Variants in GALR2 observed in about 807,000 individuals in gnomAD.
GALR2 encodes the protein galanin receptor 2.
In GALR2, 5 loss-of-function variants were observed where a neutral mutation model predicts 7.2. The observed-to-expected ratio is 0.69, with a 90% CI of 0.36 to 1.45. The LOEUF (loss-of-function observed/expected upper bound fraction) is 1.45. Among genes scored for constraint, GALR2 ranks in the 40% most tolerant of loss-of-function variants. The probability of loss-of-function intolerance (pLI) is 0.03; values close to 1 mark genes in which losing one functional copy is unlikely to be tolerated. For synonymous variants in GALR2, 300 were observed against 263.9 expected, an observed-to-expected ratio of 1.14 and a Z score of -1.32; for missense variants, 561 against 555.7, an observed-to-expected ratio of 1.01 and a Z score of -0.10.
chr17:76,072,265 G>C (rs775223567), upstream of GALR2: 3 of 1,603,294 alleles, frequency 1.9e-6, no homozygotes, highest in South Asian at 1.1e-5. This position sits in a 1 kb window ranked among gnomAD's most constrained non-coding sequence, Gnocchi z 4.5. Flanking sequence ...CCTCCAGTTC[G>C]ACACGTAATC....
chr17:76,072,269 C>T (rs1434671951), upstream of GALR2: 2 of 1,605,194 alleles, frequency 1.2e-6, no homozygotes, highest in Admixed American at 3.4e-5. This position sits in a 1 kb window ranked among gnomAD's most constrained non-coding sequence, Gnocchi z 4.5. Context: ...CAGTTCGACA[C>T]GTAATCATTG....
chr17:76,076,956 C>G lies in GALR2; in HGVS notation c.689C>G (p.Ala230Gly), dbSNP rs1277341244. The G allele has an allele frequency of 4.4e-6, 7 of 1,603,188 alleles. No individual in the cohort carries two copies. The highest frequency in any genetic ancestry group is 2.7e-5 in the African/African-American group (2 of 74,836). Residue 230 changes from alanine to glycine, a missense_variant, in exon 2 of 2, where the codon GCC (alanine) becomes GGC (glycine). Physicochemically the swap from Ala to Gly is moderately conservative, Grantham distance 60. Transcript: ENST00000329003. The surrounding 1 kb of genome is among the most constrained non-coding windows in gnomAD (Gnocchi z 6.5). ...GCCGCGGGCTCGGGTGCCCGGCGCG[C>G]CAAGCGCAAGGTGACACGCATGATC... ...PVAAGSGARR[A>G]KRKVTRMILI... is the part of the protein sequence containing the mutation.
upstream of GALR2, chr17:76,072,446 T>TGCC (rs536477130): frequency 3.5e-4 from 554 of 1,579,362 alleles, 1 homozygote; most frequent in African/African-American, 8.4e-4. This position sits in a 1 kb window ranked among gnomAD's most constrained non-coding sequence, Gnocchi z 4.5. Context: ...CCGCCGCCAC[T>TGCC]GCCGCCGCCG....
upstream of GALR2, chr17:76,072,176 G>A: frequency 6.6e-7 from 1 of 1,523,828 alleles, no homozygotes; most frequent in Non-Finnish European, 8.8e-7. The surrounding 1 kb of genome is among the most constrained non-coding windows in gnomAD (Gnocchi z 4.5). Flanking sequence ...AGCACCAAAA[G>A]GTAAGGGCGA....
rs751603857 is a variant in GALR2, at chr17:76,076,622, C to A, written c.369-14C>A. Reference sequence around the variant, plus strand: ...CCCGCTCAGCCGACGTCTCCCTTCCCGGTCTGACCGCAGGTATCTGGCCAT... The same window carrying A: ...CCCGCTCAGCCGACGTCTCCCTTCCAGGTCTGACCGCAGGTATCTGGCCAT... On this transcript the variant is annotated splice_polypyrimidine_tract_variant and intron_variant, in intron 1 of 1. Transcript: ENST00000329003. The surrounding 1 kb of genome is among the most constrained non-coding windows in gnomAD (Gnocchi z 6.5). The A allele has an allele frequency of 4.5e-6, 7 of 1,550,966 alleles. No homozygotes were observed. The Admixed American group carries it at 7.0e-5, about 16-fold the overall frequency.
upstream of GALR2, chr17:76,072,635 T>C: frequency 7.0e-7 from 1 of 1,421,626 alleles, no homozygotes. This position sits in a 1 kb window ranked among gnomAD's most constrained non-coding sequence, Gnocchi z 4.5. Context: ...CGCCATGTGC[T>C]GGAGCGCGCC....
At chr17:76,072,529 G>A (rs1020347893), upstream of GALR2, 11 of 1,560,812 alleles carry the variant, frequency 7.0e-6, no homozygotes, top group African/African-American at 2.8e-5. The surrounding 1 kb of genome is among the most constrained non-coding windows in gnomAD (Gnocchi z 4.5). Context: ...GGATAGGGGA[G>A]GCGGGACGAC....
upstream of GALR2, among the ~76,000 whole-genome samples, chr17:76,073,181 G>A (rs1567939999): frequency 1.3e-5 from 2 of 152,098 alleles, no homozygotes; most frequent in Non-Finnish European, 2.9e-5. Context: ...TCCCCGCTCC[G>A]TCATTAGCGG....
chr17:76,072,432 ACCGCCGCCGCCACTGCCGCCGCCG>A (rs775128165), upstream of GALR2: 52 of 1,585,484 alleles, frequency 3.3e-5, no homozygotes, highest in Middle Eastern at 3.7e-4. The surrounding 1 kb of genome is among the most constrained non-coding windows in gnomAD (Gnocchi z 4.5). Context: ...CGCCACTGCC[ACCGCCGCCGCCACTGCCGCCGCCG>A]CCGCCGCCGC....
chr17:76,071,998 G>A (rs2066856455), upstream of GALR2: 1 of 481,774 alleles, frequency 2.1e-6, no homozygotes, highest in Non-Finnish European at 3.7e-6. The surrounding 1 kb of genome is among the most constrained non-coding windows in gnomAD (Gnocchi z 4.7). Flanking sequence ...GCCAAAGCAA[G>A]GTGCTCAAGG....
upstream of GALR2, among the ~76,000 whole-genome samples, chr17:76,073,809 A>G (rs951477788): frequency 1.3e-5 from 2 of 151,710 alleles, no homozygotes; most frequent in African/African-American, 2.4e-5. Context: ...GATGCTCAGT[A>G]TATTGGATTG....
chr17:76,074,023 G>A (rs1204113656), upstream of GALR2, among the ~76,000 whole-genome samples: 15 of 152,144 alleles, frequency 9.9e-5, no homozygotes, highest in African/African-American at 3.1e-4. The surrounding 1 kb of genome is among the most constrained non-coding windows in gnomAD (Gnocchi z 6.7). Context: ...GCAGGCGCCC[G>A]TCATCCCAGC....
rs2066882313 is a variant in GALR2, at chr17:76,075,132, C to T, written c.249C>T (p.Ala83=). 1 of 1,612,650 alleles carries T rather than the reference C, an allele frequency of 6.2e-7. No individual in the cohort carries two copies. Among genetic ancestry groups the T allele is most frequent in the Non-Finnish European group, 8.5e-7 (1 of 1,179,986 alleles). ...CFILCCVPFQ[A]TIYTLDGWVF... ...TCCTGTGCTGCGTGCCCTTCCAGGC[C>T]ACCATCTACACCCTGGACGGCTGGG... Residue 83 remains alanine (A), a synonymous_variant, in exon 1 of 2, where the codon GCC becomes GCT. Coordinates refer to ENST00000329003, the MANE Select transcript of GALR2 (RefSeq NM_003857.4). This position sits in a 1 kb window ranked among gnomAD's most constrained non-coding sequence, Gnocchi z 5.9.
Position 76,075,690 on chromosome 17 carries a change from G to A in GALR2, c.368+439G>A. On this transcript the variant is annotated intron_variant, in intron 1 of 1. Transcript: ENST00000329003. This position sits in a 1 kb window ranked among gnomAD's most constrained non-coding sequence, Gnocchi z 5.9. ...CGTCTGTCTCCTGCAGCCAACTTCA[G>A]GCGCCTCCACTGCGCTCGCCTCCAA... Among the ~76,000 whole-genome samples the A allele has an allele frequency of 6.6e-6, 1 of 152,212 alleles. No homozygotes were observed. The highest frequency in any genetic ancestry group is 1.5e-5 in the Non-Finnish European group (1 of 68,046).
upstream of GALR2, among the ~76,000 whole-genome samples, chr17:76,073,772 G>C (rs1487109606): frequency 6.6e-6 from 1 of 151,740 alleles, no homozygotes; most frequent in Non-Finnish European, 1.5e-5. Flanking sequence ...CTGAGGCATG[G>C]AGCCAAAGAC....
chr17:76,077,107 C>T lies in GALR2; in HGVS notation c.840C>T (p.Val280=). Residue 280 remains valine (V), a synonymous_variant, in exon 2 of 2, where the codon GTC becomes GTT. Coordinates refer to ENST00000329003, the MANE Select transcript of GALR2 (RefSeq NM_003857.4). Reference sequence around the variant, plus strand: ...CGCTTCGCATCCTCTCGCACCTGGTCTCCTACGCCAACTCCTGCGTCAACC... The same window carrying T: ...CGCTTCGCATCCTCTCGCACCTGGTTTCCTACGCCAACTCCTGCGTCAACC... ...TYALRILSHL[V]SYANSCVNPI... 6.2e-7 allele frequency: 1 copy of T among 1,613,046 alleles called. No homozygotes were observed. The highest frequency in any genetic ancestry group is 1.1e-5 in the South Asian group (1 of 91,078).
chr17:76,076,446 C>G lies in GALR2; in HGVS notation c.369-190C>G, dbSNP rs374210927. 6.6e-6 allele frequency among the ~76,000 whole-genome samples: 1 copy of G among 152,192 alleles called. No individual in the cohort carries two copies. Among genetic ancestry groups the G allele is most frequent in the East Asian group, 1.9e-4 (1 of 5,184 alleles). ...CCCATTTCCAGGCTCCGCTGAGTGT[C>G]TGGGACACGCTGGGAGGCCCCCACC... On this transcript the variant is annotated intron_variant, in intron 1 of 1. Coordinates refer to ENST00000329003, the MANE Select transcript of GALR2 (RefSeq NM_003857.4). This position sits in a 1 kb window ranked among gnomAD's most constrained non-coding sequence, Gnocchi z 6.5.
Position 76,074,875 on chromosome 17 carries a change from A to G in GALR2, c.-9A>G, listed in dbSNP as rs2066879816. On this transcript the variant is annotated 5_prime_UTR_variant, in exon 1 of 2. Coordinates refer to ENST00000329003, the MANE Select transcript of GALR2 (RefSeq NM_003857.4). The surrounding 1 kb of genome is among the most constrained non-coding windows in gnomAD (Gnocchi z 6.7). The stretch of plus-strand genomic sequence containing the variant: ...CAGGAGCCCGGGCAGCCTCGGGGTC[A>G]GCGGCACCATGAACGTCTCGGGCTG... 2.0e-6 allele frequency: 3 copies of G among 1,503,654 alleles called. No homozygotes were observed. Among genetic ancestry groups the G allele is most frequent in the Non-Finnish European group, 2.7e-6 (3 of 1,130,734 alleles). The allele number at this position is 1,503,654 out of a possible 1,614,324, so 93.1% of individuals were successfully genotyped here. A position where few individuals can be genotyped will look rare whatever the true frequency, so the allele number is the denominator to read the frequency against.
chr17:76,074,458 G>T (rs1309356964), upstream of GALR2, among the ~76,000 whole-genome samples: 3 of 152,234 alleles, frequency 2.0e-5, no homozygotes, highest in Non-Finnish European at 2.9e-5. The surrounding 1 kb of genome is among the most constrained non-coding windows in gnomAD (Gnocchi z 6.7). Context: ...CGGAGTGCGA[G>T]GTCCGTGCTC....
Sources: allele counts gnomAD v4.1 joint callset (sites outside exome capture counted in the v4.1 genomes callset), GRCh38; gene constraint gnomAD v4.1.1; non-coding constraint Gnocchi (gnomAD v3.1); transcripts MANE v1.5; gene names NCBI Gene and HGNC (gene_info 2026-07-23, HGNC 2026-07-21).